The following ENTPD6 variants were observed in gnomAD, a reference collection of about 807,000 sequenced individuals.
The protein encoded by ENTPD6 is CD39 antigen-like 2.
ENTPD6 carries 46 observed loss-of-function variants against 61.5 expected under a neutral mutation model. The ratio of observed to expected loss-of-function variants is 0.75; its 90% CI spans 0.59 to 0.96. The LOEUF (loss-of-function observed/expected upper bound fraction) is 0.96. Ranked by LOEUF, ENTPD6 falls within the 40% of genes least tolerant of loss-of-function variation. ENTPD6 has a pLI of 0.00. For synonymous variants in ENTPD6, 252 were observed against 255.5 expected (o/e 0.99, Z 0.13); for missense variants, 612 against 629.0 (o/e 0.97, Z 0.29).
At chr20:25,210,858 C>G (rs577430762) in intron 4 of ENTPD6, among the ~76,000 whole-genome samples, 100 of 152,306 alleles carry the variant, frequency 6.6e-4, no homozygotes, top group Non-Finnish European at 1.0e-3. Flanking sequence ...AGGAGAATCA[C>G]TTGAACATGG....
chr20:25,225,497 A>C lies in ENTPD6; in HGVS notation c.1357-2A>C, dbSNP rs771540747. 1 of 1,613,328 alleles carries C rather than the reference A, an allele frequency of 6.2e-7. No homozygotes were observed. On this transcript the variant is annotated splice_acceptor_variant, in intron 14 of 14. Coordinates refer to ENST00000376652, the MANE Select transcript of ENTPD6 (RefSeq NM_001247.5). LOFTEE classifies it high-confidence loss of function. ...TCCCCTCTCCCTCTCTGTCTTTTCA[A>C]GCTCACTCGGAAAATTGACAATGTT... is the stretch of plus-strand genomic sequence containing the variant.
At chr20:25,219,449 G>C (rs1479505120) in intron 10 of ENTPD6, among the ~76,000 whole-genome samples, 1 of 152,238 alleles carries the variant, frequency 6.6e-6, no homozygotes, top group Non-Finnish European at 1.5e-5. Flanking sequence ...ATGTGGGCTT[G>C]GCCCTTCCTG....
chr20:25,196,103 A>G (rs1272045769), intron 1 of ENTPD6: 5 of 1,117,650 alleles, frequency 4.5e-6, no homozygotes, highest in African/African-American at 1.6e-5. Context: ...GCCAAATAGC[A>G]GGGGCCTGTA....
chr20:25,219,049 T>C (rs957929242), intron 10 of ENTPD6, among the ~76,000 whole-genome samples: 1 of 152,196 alleles, frequency 6.6e-6, no homozygotes, highest in African/African-American at 2.4e-5. Context: ...GCCCAGCTAA[T>C]TTTTGTGTTT....
At chr20:25,215,029 C>T (rs940614914) in intron 6 of ENTPD6, 87 bp downstream of exon 6, 43 of 855,968 alleles carry the variant, frequency 5.0e-5, no homozygotes, top group Non-Finnish European at 5.4e-5. Context: ...ATCCGCCACC[C>T]CTCCCCGCCC....
chr20:25,223,116 G>T, intron 12 of ENTPD6, 138 bp downstream of exon 12: 2 of 956,652 alleles, frequency 2.1e-6, no homozygotes, highest in East Asian at 2.6e-5. Flanking sequence ...GCCAGAAGCA[G>T]ATTTGAGAAG....
At chr20:25,208,876 G>C (rs1041914514) in intron 3 of ENTPD6, among the ~76,000 whole-genome samples, 1 of 152,108 alleles carries the variant, frequency 6.6e-6, no homozygotes, top group African/African-American at 2.4e-5. Context: ...GTTGTTTTGT[G>C]TGTAAATTAT....
chr20:25,213,237 C>T, intron 4 of ENTPD6, 26 bp from the exon 5 acceptor site: 1 of 1,614,122 alleles, frequency 6.2e-7, no homozygotes, highest in Non-Finnish European at 8.5e-7. Context: ...TTGACAGACC[C>T]TGCTTTGCTC....
intron 5 of ENTPD6, among the ~76,000 whole-genome samples, chr20:25,214,132 A>G (rs6083780): frequency 0.91 from 138,136 of 152,192 alleles, 62,868 homozygotes; most frequent in East Asian, 0.99. Context: ...TCCCAGTCCC[A>G]GCACGTCAGG....
At chr20:25,196,899 T>C (rs1406479282) in intron 1 of ENTPD6, among the ~76,000 whole-genome samples, 1 of 152,108 alleles carries the variant, frequency 6.6e-6, no homozygotes, top group Non-Finnish European at 1.5e-5. Context: ...TCCTGAAGGT[T>C]CGGGTAAAGG....
chr20:25,225,886 T>C lies in ENTPD6; in HGVS notation c.*289T>C. 3.0e-6 allele frequency: 1 copy of C among 332,822 alleles called. No homozygotes were observed. The highest frequency in any genetic ancestry group is 5.5e-6 in the Non-Finnish European group (1 of 181,558). The allele number at this position is 332,822 out of a possible 1,614,324, so 20.6% of individuals were successfully genotyped here. On this transcript the variant is annotated 3_prime_UTR_variant, in exon 15 of 15. Coordinates refer to ENST00000376652, the MANE Select transcript of ENTPD6 (RefSeq NM_001247.5). ...CCACAGGCACACACTGAGGGGGCAG[T>C]GTGGCTCCCTGCCTGTCCCATCCCC...
intron 1 of ENTPD6, among the ~76,000 whole-genome samples, chr20:25,205,526 C>T (rs897462422): frequency 3.6e-5 from 5 of 138,202 alleles, no homozygotes; most frequent in African/African-American, 9.9e-5. Flanking sequence ...GGACAGGGGC[C>T]GGCAGGGACA....
chr20:25,210,695 A>C (rs184114949), intron 4 of ENTPD6, among the ~76,000 whole-genome samples: 2 of 152,266 alleles, frequency 1.3e-5, no homozygotes, highest in Non-Finnish European at 2.9e-5. Context: ...TAATCCCAGC[A>C]CTTTGGGAGG....
chr20:25,208,727 T>A (rs1331825654), intron 3 of ENTPD6, among the ~76,000 whole-genome samples: 1 of 152,196 alleles, frequency 6.6e-6, no homozygotes, highest in Non-Finnish European at 1.5e-5. Context: ...GAAAATACCC[T>A]AATCTTGAGA....
chr20:25,217,413 A>G (rs2092374718), intron 8 of ENTPD6, 89 bp from the exon 9 acceptor site: 11 of 1,256,524 alleles, frequency 8.8e-6, no homozygotes, highest in Non-Finnish European at 1.2e-5. Flanking sequence ...GCACCTGACC[A>G]TCCCCTTTCT....
chr20:25,225,305 C>T lies in ENTPD6; in HGVS notation c.1344C>T (p.Ser448=). Residue 448 remains serine (S), a synonymous_variant, in exon 14 of 15, where the codon AGC becomes AGT. Transcript: ENST00000376652. The stretch of plus-strand genomic sequence containing the variant: ...TCCAGGAGTTCGGCTTTCCCAGGAG[C>T]AAAGTGCTGAAGGTAAGGGTGCCCT... ...LLLQEFGFPR[S]KVLKLTRKID... is the part of the protein sequence containing the mutation. The T allele has an allele frequency of 6.2e-7, 1 of 1,613,118 alleles. No homozygotes were observed. The highest frequency in any genetic ancestry group is 2.2e-5 in the East Asian group (1 of 44,872).
At position 25,221,302 on chromosome 20, in the gene ENTPD6, A is replaced by G. The variant is rs1310045804; in HGVS notation, c.1014A>G (p.Glu338=). Residue 338 remains glutamate (E), a synonymous_variant, in exon 11 of 15, where the codon GAA becomes GAG. Coordinates refer to ENST00000376652, the MANE Select transcript of ENTPD6 (RefSeq NM_001247.5). The stretch of plus-strand genomic sequence containing the variant: ...TCAAAGGAGAGTGGGAACACGCAGA[A>G]GTCACGTACAGGGTTTCAGGGCAGA... The part of the protein sequence containing the change: ...PSFKGEWEHA[E]VTYRVSGQKA... The G allele has an allele frequency of 1.9e-6, 3 of 1,614,064 alleles. No homozygotes were observed. The highest frequency in any genetic ancestry group is 8.5e-7 in the Non-Finnish European group (1 of 1,180,036).
At chr20:25,223,054 G>A (rs2092692767) in intron 12 of ENTPD6, 76 bp downstream of exon 12, 1 of 1,526,488 alleles carries the variant, frequency 6.6e-7, no homozygotes, top group East Asian at 2.3e-5. Context: ...TGCTCCCCGA[G>A]GCAGAGGGCT....
rs2092692109 is a variant in ENTPD6, at chr20:25,223,033, TGGAGGGC to T, written c.1186+57_1186+63del. The T allele has an allele frequency of 9.5e-6, 6 of 632,782 alleles. No individual in the cohort carries two copies. The Admixed American group carries it at 1.1e-4, about 12-fold the overall frequency. The allele number at this position is 632,782 out of a possible 1,614,324, so 39.2% of individuals were successfully genotyped here. ...AGGTCGGGGCGGCAGGGGGCGGGGG[TGGAGGGC>T]GTGTGCTCCCCGAGGCAGAGGGCTG... On this transcript the variant is annotated intron_variant, in intron 12 of 14. Coordinates refer to ENST00000376652, the MANE Select transcript of ENTPD6 (RefSeq NM_001247.5).
Sources: gnomAD v4.1 joint callset for allele counts (sites outside exome capture counted in the v4.1 genomes callset) on GRCh38, gnomAD v4.1.1 for gene constraint, MANE v1.5 for transcripts, NCBI Gene and HGNC (gene_info 2026-07-23, HGNC 2026-07-21) for gene names.